Variants in SPATS2L observed in about 807,000 individuals in gnomAD.
The protein encoded by SPATS2L is spermatogenesis associated serine rich 2 like, also known as SPATS2-like protein.
SPATS2L carries 30 observed loss-of-function variants against 59.6 expected under a neutral mutation model. That is an observed-to-expected ratio of 0.50 (90% CI 0.38 to 0.68). The LOEUF (loss-of-function observed/expected upper bound fraction) is 0.68, where lower values mean the gene tolerates loss of function less well. Among genes scored for constraint, SPATS2L ranks in the 30% least tolerant of loss-of-function variants. SPATS2L has a pLI of 0.00. For missense variants in SPATS2L, 615 were observed against 700.0 expected, an observed-to-expected ratio of 0.88 and a Z score of 1.37; for synonymous variants, 252 against 263.5, an observed-to-expected ratio of 0.96 and a Z score of 0.42.
upstream of SPATS2L, chr2:200,305,948 A>C: frequency 1.5e-6 from 1 of 665,254 alleles, no homozygotes; most frequent in Non-Finnish European, 1.9e-6. Context: ...ATAATGATTG[A>C]GAAACTGCTT....
At chr2:200,437,462 G>T (rs1432382598) in intron 6 of SPATS2L, among the ~76,000 whole-genome samples, 1 of 152,124 alleles carries the variant, frequency 6.6e-6, no homozygotes, top group Non-Finnish European at 1.5e-5. Flanking sequence ...CTCTAGAAAT[G>T]GTGTTCGGGA....
intron 3 of SPATS2L, chr2:200,393,157 T>C (rs1574373168): frequency 6.6e-6 from 3 of 455,952 alleles, no homozygotes; most frequent in Non-Finnish European, 1.3e-5. Context: ...CCTTTCCTAA[T>C]ATCTGTTGAG....
At chr2:200,383,624 C>G (rs2081897006) in intron 2 of SPATS2L, among the ~76,000 whole-genome samples, 1 of 152,164 alleles carries the variant, frequency 6.6e-6, no homozygotes, top group Non-Finnish European at 1.5e-5. Flanking sequence ...TCAAGTCGAT[C>G]CAGTCTCTAC....
intron 2 of SPATS2L, among the ~76,000 whole-genome samples, chr2:200,332,670 A>AT (rs1553508225): frequency 6.6e-6 from 1 of 152,054 alleles, no homozygotes; most frequent in Non-Finnish European, 1.5e-5. Flanking sequence ...TCATAGCTTC[A>AT]TAAGAGTTAG....
intron 6 of SPATS2L, among the ~76,000 whole-genome samples, chr2:200,438,558 T>G (rs2084462739): frequency 6.6e-6 from 1 of 152,212 alleles, no homozygotes; most frequent in Non-Finnish European, 1.5e-5. Context: ...GTTGAGATAT[T>G]ATGATGATGT....
At chr2:200,442,026 A>G (rs930635716) in intron 8 of SPATS2L, among the ~76,000 whole-genome samples, 8 of 152,152 alleles carry the variant, frequency 5.3e-5, no homozygotes, top group Non-Finnish European at 1.0e-4. Flanking sequence ...ACTTAAAAGA[A>G]AACTTTCTCC....
intron 1 of SPATS2L, among the ~76,000 whole-genome samples, chr2:200,322,649 C>A (rs906236074): frequency 1.3e-5 from 2 of 152,150 alleles, no homozygotes; most frequent in Admixed American, 1.3e-4. Flanking sequence ...CTGTGGCAGC[C>A]AATTTTGTAG....
At chr2:200,434,775 A>G (rs1344308647) in intron 6 of SPATS2L, among the ~76,000 whole-genome samples, 2 of 152,122 alleles carry the variant, frequency 1.3e-5, no homozygotes, top group African/African-American at 2.4e-5. Context: ...CATATCCCCA[A>G]ATTGCTTTAT....
At chr2:200,374,199 A>G (rs769026452) in intron 2 of SPATS2L, among the ~76,000 whole-genome samples, 4 of 152,156 alleles carry the variant, frequency 2.6e-5, no homozygotes, top group Non-Finnish European at 5.9e-5. Context: ...CCTCCCAGTA[A>G]ATATTTATTA....
At chr2:200,477,469 T>G (rs2087615592) in intron 12 of SPATS2L, among the ~76,000 whole-genome samples, 167 bp from the exon 13 acceptor site, 1 of 149,840 alleles carries the variant, frequency 6.7e-6, no homozygotes, top group South Asian at 2.1e-4. Flanking sequence ...ATTAATAATT[T>G]TATCTGCCTG....
intron 4 of SPATS2L, 76 bp from the exon 5 acceptor site, chr2:200,416,303 A>T: frequency 2.5e-5 from 16 of 641,880 alleles, no homozygotes; most frequent in Non-Finnish European, 3.3e-5. Flanking sequence ...TGCTACCAAG[A>T]TGGAAAGACA....
chr2:200,382,433 G>A (rs1419876296), intron 2 of SPATS2L, among the ~76,000 whole-genome samples: 1 of 152,208 alleles, frequency 6.6e-6, no homozygotes, highest in Non-Finnish European at 1.5e-5. Flanking sequence ...TGAGTGGAGT[G>A]GTTTCGCACT....
intron 2 of SPATS2L, among the ~76,000 whole-genome samples, chr2:200,359,746 C>T (rs1330899383): frequency 1.3e-5 from 2 of 152,208 alleles, no homozygotes; most frequent in East Asian, 3.8e-4. Flanking sequence ...CACCTCCTTC[C>T]AGTTCATTTC....
intron 2 of SPATS2L, among the ~76,000 whole-genome samples, chr2:200,381,440 T>C (rs558319382): frequency 2.6e-4 from 40 of 152,302 alleles, no homozygotes; most frequent in African/African-American, 8.4e-4. Flanking sequence ...TCAGGATGAA[T>C]GATGCCCTTT....
At chr2:200,308,709 A>G (rs1399832009) in intron 1 of SPATS2L, among the ~76,000 whole-genome samples, 1 of 152,222 alleles carries the variant, frequency 6.6e-6, no homozygotes, top group Non-Finnish European at 1.5e-5. Flanking sequence ...TTGAATGCAG[A>G]GAATAGCTAA....
chr2:200,328,642 T>C (rs1370484234), intron 1 of SPATS2L, among the ~76,000 whole-genome samples: 1 of 152,206 alleles, frequency 6.6e-6, no homozygotes, highest in African/African-American at 2.4e-5. Context: ...GTCAATCTTC[T>C]GAGTCTCGTA....
At chr2:200,322,149 C>G (rs1471983930) in intron 1 of SPATS2L, among the ~76,000 whole-genome samples, 2 of 152,150 alleles carry the variant, frequency 1.3e-5, no homozygotes, top group Admixed American at 1.3e-4. Flanking sequence ...GTTTTGGAAT[C>G]AAGCCTCATT....
intron 2 of SPATS2L, among the ~76,000 whole-genome samples, chr2:200,380,013 T>C (rs557023182): frequency 7.2e-4 from 110 of 152,260 alleles, no homozygotes; most frequent in Non-Finnish European, 1.4e-3. Context: ...GAGCCAGCAT[T>C]GGGTCACTTT....
intron 1 of SPATS2L, among the ~76,000 whole-genome samples, chr2:200,320,449 C>T (rs2079525264): frequency 6.6e-6 from 1 of 152,188 alleles, no homozygotes; most frequent in African/African-American, 2.4e-5. Context: ...ATTCTATTCT[C>T]TTTACAGAAT....
Sources: allele counts gnomAD v4.1 joint callset (sites outside exome capture counted in the v4.1 genomes callset), GRCh38; gene constraint gnomAD v4.1.1; transcripts MANE v1.5; gene names NCBI Gene and HGNC (gene_info 2026-07-23, HGNC 2026-07-21).